CRAMP1: variants seen among roughly 807,000 people sequenced by gnomAD.
The protein encoded by CRAMP1 is cramped chromatin regulator 1, also known as protein cramped-like.
In CRAMP1, 50 loss-of-function variants were observed where a neutral mutation model predicts 115.4. The observed-to-expected ratio is 0.43, with a 90% confidence interval of 0.35 to 0.55. The LOEUF is 0.55. Among genes scored for constraint, CRAMP1 ranks in the 20% least tolerant of loss-of-function variants. The pLI is 0.01. For synonymous variants in CRAMP1, 866 were observed against 745.4 expected (o/e 1.16, Z -2.64); for missense variants, 1,679 against 1,721.7 (o/e 0.98, Z 0.44).
At chr16:1,640,361 T>C (rs2036621941) in intron 5 of CRAMP1, among the ~76,000 whole-genome samples, 1 of 152,132 alleles carries the variant, frequency 6.6e-6, no homozygotes, top group South Asian at 2.1e-4. Flanking sequence ...ATGAGAGGGG[T>C]CAGTGGTCAT....
At position 1,614,813 on chromosome 16, in the gene CRAMP1, C is replaced by A. The variant is rs1040184115; in HGVS notation, c.174C>A (p.Gly58=). The part of the protein sequence containing the change: ...DEKTPRAGAD[G]PPAPPGAPQA... ...AGACCCCCCGGGCCGGCGCCGACGG[C>A]CCCCCCGCGCCCCCCGGCGCGCCGC... Residue 58 remains glycine (G), a synonymous_variant, in exon 2 of 21, where the codon GGC becomes GGA. Transcript: ENST00000397412. The surrounding 1 kb of genome is among the most constrained non-coding windows in gnomAD (Gnocchi z 4.4). 8.7e-6 allele frequency: 11 copies of A among 1,262,304 alleles called. No homozygotes were observed. In the African/African-American group the frequency reaches 1.7e-4, roughly 20 times the overall value. 78.2% of individuals were successfully genotyped at this position (1,262,304 alleles called of 1,614,324 possible).
At chr16:1,667,276 A>T in intron 16 of CRAMP1, 59 bp from the exon 17 acceptor site, 1 of 1,384,040 alleles carries the variant, frequency 7.2e-7, no homozygotes, top group Non-Finnish European at 1.0e-6. Flanking sequence ...GTCGCGGGTG[A>T]GGGTATGGGT....
chr16:1,649,485 ATTTTTATT>A (rs1330339967), intron 6 of CRAMP1, among the ~76,000 whole-genome samples: 6 of 151,606 alleles, frequency 4.0e-5, no homozygotes, highest in African/African-American at 2.4e-5. Context: ...ATTTATTTCT[ATTTTTATT>A]TTTTTATTTT....
chr16:1,653,748 G>T (rs1025097466), intron 8 of CRAMP1, among the ~76,000 whole-genome samples: 1 of 151,310 alleles, frequency 6.6e-6, no homozygotes, highest in Admixed American at 6.6e-5. Context: ...GTGAACCCGG[G>T]AGGCGGAGCT....
chr16:1,668,119 C>T lies in CRAMP1; in HGVS notation c.3260C>T (p.Ala1087Val), dbSNP rs376251227. 3.8e-5 allele frequency: 62 copies of T among 1,613,406 alleles called. No individual in the cohort carries two copies. Among genetic ancestry groups the T allele is most frequent in the Non-Finnish European group, 4.6e-5 (54 of 1,179,868 alleles). The change falls in exon 18 of 21, where the codon GCG becomes GTG. Residue 1087 changes from alanine to valine, a missense_variant. By Grantham distance (64) the Ala-to-Val change is moderately conservative (BLOSUM62 0). Coordinates refer to ENST00000397412, the MANE Select transcript of CRAMP1 (RefSeq NM_020825.4). The stretch of plus-strand genomic sequence containing the variant: ...TCCCTGCCCGGCCCACCTGAGGATG[C>T]GCTGTCACAGGGCGAGCCTGCCACA... ...DISLPGPPED[A>V]LSQGEPATHI...
Position 1,666,193 on chromosome 16 carries a change from C to T in CRAMP1, c.2857+16C>T. 6.5e-7 allele frequency: 1 copy of T among 1,543,430 alleles called. No individual in the cohort carries two copies. Among genetic ancestry groups the T allele is most frequent in the South Asian group, 1.1e-5 (1 of 87,122 alleles). On this transcript the variant is annotated intron_variant, in intron 15 of 20. Coordinates refer to ENST00000397412, the MANE Select transcript of CRAMP1 (RefSeq NM_020825.4). The surrounding 1 kb of genome is among the most constrained non-coding windows in gnomAD (Gnocchi z 5.0). ...CACCTGGCCAGTAAGTCTGTACCTGCATGGCCACAGCCACTGAGTGAGCCT... is the reference window on the plus strand; with the variant it reads ...CACCTGGCCAGTAAGTCTGTACCTGTATGGCCACAGCCACTGAGTGAGCCT...
chr16:1,640,404 G>C (rs1473678334), intron 5 of CRAMP1, among the ~76,000 whole-genome samples: 1 of 152,160 alleles, frequency 6.6e-6, no homozygotes, highest in African/African-American at 2.4e-5. Context: ...GAGGTGCATT[G>C]TCTGTCTGTG....
chr16:1,670,416 C>T, intron 19 of CRAMP1: 1 of 440,016 alleles, frequency 2.3e-6, no homozygotes, highest in Non-Finnish European at 4.1e-6. Flanking sequence ...TGGGGGATGG[C>T]AGTGAGGGTG....
chr16:1,650,472 C>G (rs1452724675), intron 6 of CRAMP1, among the ~76,000 whole-genome samples: 2 of 152,206 alleles, frequency 1.3e-5, no homozygotes, highest in East Asian at 3.8e-4. Flanking sequence ...AAATATAAGT[C>G]TTAAGCAATT....
intron 2 of CRAMP1, among the ~76,000 whole-genome samples, chr16:1,617,758 T>C (rs892132897): frequency 8.5e-5 from 13 of 152,242 alleles, no homozygotes; most frequent in African/African-American, 2.7e-4. Context: ...TTTCTTTCTC[T>C]GAAGAAGACA....
chr16:1,673,246 C>A (rs982007209), intron 20 of CRAMP1, among the ~76,000 whole-genome samples: 3 of 103,096 alleles, frequency 2.9e-5, no homozygotes, highest in African/African-American at 1.1e-4. Context: ...TGGGAACGTG[C>A]CCCCCACCTG....
At chr16:1,660,210 G>A (rs1461469058) in intron 11 of CRAMP1, 147 bp downstream of exon 11, 12 of 675,232 alleles carry the variant, frequency 1.8e-5, no homozygotes, top group Non-Finnish European at 2.6e-5. Context: ...ACAGGGTGAA[G>A]GTGCAGAATC....
intron 4 of CRAMP1, 21 bp from the exon 5 acceptor site, chr16:1,637,802 CG>C: frequency 7.2e-7 from 1 of 1,390,202 alleles, no homozygotes; most frequent in Non-Finnish European, 9.7e-7. Flanking sequence ...TCTCTAAAGC[CG>C]CCTTCTCTTC....
intron 7 of CRAMP1, 114 bp from the exon 8 acceptor site, chr16:1,652,919 T>C (rs931650614): frequency 1.1e-5 from 14 of 1,289,546 alleles, no homozygotes; most frequent in Non-Finnish European, 1.5e-5. Context: ...TCCTTGCCTC[T>C]GTTTGCAAGG....
Position 1,671,654 on chromosome 16 carries a change from C to T in CRAMP1, c.3645+845C>T, listed in dbSNP as rs908383560. Among the ~76,000 whole-genome samples, 2 of 152,148 alleles carry T rather than the reference C, an allele frequency of 1.3e-5. No individual in the cohort carries two copies. Among genetic ancestry groups the T allele is most frequent in the African/African-American group, 2.4e-5 (1 of 41,430 alleles). Reference sequence around the variant, plus strand: ...GTGAAAGTCCTGGAGCAGCATTCCCCGAATCTAGTCCCCACAATGTTGAGA... The same window carrying T: ...GTGAAAGTCCTGGAGCAGCATTCCCTGAATCTAGTCCCCACAATGTTGAGA... On this transcript the variant is annotated intron_variant, in intron 20 of 20. Transcript: ENST00000397412. The surrounding 1 kb of genome is among the most constrained non-coding windows in gnomAD (Gnocchi z 5.0).
chr16:1,630,364 C>G (rs575497871), intron 3 of CRAMP1, among the ~76,000 whole-genome samples: 16 of 152,202 alleles, frequency 1.1e-4, no homozygotes, highest in African/African-American at 3.9e-4. Context: ...GTTGCTCAAA[C>G]TGGTCTCAAA....
intron 19 of CRAMP1, 36 bp from the exon 20 acceptor site, chr16:1,670,628 G>A: frequency 6.2e-7 from 1 of 1,611,294 alleles, no homozygotes. Flanking sequence ...GACCAAGCAG[G>A]GTTCAGGGTG....
intron 4 of CRAMP1, among the ~76,000 whole-genome samples, chr16:1,635,598 C>T (rs1298974345): frequency 6.6e-6 from 1 of 152,246 alleles, no homozygotes; most frequent in African/African-American, 2.4e-5. Context: ...CAGTGTCTTG[C>T]TCTTGGTGCT....
At position 1,637,626 on chromosome 16, in the gene CRAMP1, CTT is replaced by C. The variant is rs1379864850; in HGVS notation, c.695-194_695-193del. Among the ~76,000 whole-genome samples, 11 of 152,316 alleles carry C rather than the reference CTT, an allele frequency of 7.2e-5. No homozygotes were observed. In the East Asian group the frequency reaches 2.1e-3, roughly 29 times the overall value. On this transcript the variant is annotated intron_variant, in intron 4 of 20. Coordinates refer to ENST00000397412, the MANE Select transcript of CRAMP1 (RefSeq NM_020825.4). ...TTTCTAACGCCCCACTTTGGTTTAA[CTT>C]TTTATTTTGAAAATCGCAGACACAG...
Sources: allele counts gnomAD v4.1 joint callset (sites outside exome capture counted in the v4.1 genomes callset), GRCh38; gene constraint gnomAD v4.1.1; non-coding constraint Gnocchi (gnomAD v3.1); transcripts MANE v1.5; gene names NCBI Gene and HGNC (gene_info 2026-07-23, HGNC 2026-07-21).